Variants in FAM168A observed in about 807,000 individuals in gnomAD.
FAM168A encodes protein FAM168A.
In FAM168A, 3 loss-of-function variants were observed where a neutral mutation model predicts 28.5. The ratio of observed to expected loss-of-function variants is 0.11; its 90% CI spans 0.05 to 0.27. The LOEUF is 0.27. Among genes scored for constraint, FAM168A ranks in the 10% least tolerant of loss-of-function variants. The probability of loss-of-function intolerance (pLI) is 1.00; values close to 1 mark genes in which losing one functional copy is unlikely to be tolerated. For missense variants in FAM168A, 222 were observed against 311.5 expected (o/e 0.71, Z 2.16); for synonymous variants, 122 against 124.2 (o/e 0.98, Z 0.12).
chr11:73,542,357 G>C (rs1345420969), intron 1 of FAM168A, among the ~76,000 whole-genome samples: 1 of 152,106 alleles, frequency 6.6e-6, no homozygotes, highest in Non-Finnish European at 1.5e-5. Context: ...TCTATAAGTG[G>C]CAATTCTAAT....
intron 1 of FAM168A, among the ~76,000 whole-genome samples, chr11:73,522,275 C>T (rs1052025221): frequency 9.9e-5 from 15 of 151,088 alleles, no homozygotes; most frequent in Non-Finnish European, 5.9e-5. Flanking sequence ...TTTATTAACA[C>T]AGAATCAGCT....
At chr11:73,566,316 G>A (rs2134712867) in intron 1 of FAM168A, among the ~76,000 whole-genome samples, 1 of 152,234 alleles carries the variant, frequency 6.6e-6, no homozygotes. Context: ...TCTTCAAGGG[G>A]ATGCATTTTT....
intron 1 of FAM168A, among the ~76,000 whole-genome samples, chr11:73,553,860 G>C (rs1281235008): frequency 6.6e-6 from 1 of 151,986 alleles, no homozygotes; most frequent in African/African-American, 2.4e-5. Context: ...GTGGTGCCGT[G>C]CACTTGTAGT....
At chr11:73,481,250 T>C (rs539217299) in intron 1 of FAM168A, among the ~76,000 whole-genome samples, 2 of 152,316 alleles carry the variant, frequency 1.3e-5, no homozygotes, top group African/African-American at 4.8e-5. Flanking sequence ...TTTTTAGGGT[T>C]CAGTTATGTG....
rs768093800 is a variant in FAM168A, at chr11:73,411,508, G to T, written c.306C>A (p.Val102=). 3 of 1,614,036 alleles carry T rather than the reference G, an allele frequency of 1.9e-6. No homozygotes were observed. The highest frequency in any genetic ancestry group is 2.2e-5 in the South Asian group (2 of 91,086). The change falls in exon 5 of 8, where the codon GTC becomes GTA. Residue 102 remains valine, a synonymous_variant. Coordinates refer to ENST00000356467, the MANE Select transcript of FAM168A (RefSeq NM_015159.3). ...FRYTAGTPYK[V]PPTQSNTAPP... is the part of the protein sequence containing the mutation. ...GAGCAGTGTTACTCTGGGTCGGTGG[G>T]ACCTTGTATGGTGTCCCCGCAGTAT...
chr11:73,434,497 T>C (rs759780408), intron 2 of FAM168A, among the ~76,000 whole-genome samples: 8 of 152,034 alleles, frequency 5.3e-5, no homozygotes, highest in Non-Finnish European at 1.2e-4. Context: ...GCTGAAGGAG[T>C]GTTTTAGACA....
intron 1 of FAM168A, among the ~76,000 whole-genome samples, chr11:73,579,143 T>C (rs1245640135): frequency 6.6e-6 from 1 of 152,160 alleles, no homozygotes; most frequent in Non-Finnish European, 1.5e-5. Flanking sequence ...TCCATCCTAA[T>C]GACCTAATTA....
At chr11:73,500,734 AC>A (rs1316339243) in intron 1 of FAM168A, among the ~76,000 whole-genome samples, 7 of 152,230 alleles carry the variant, frequency 4.6e-5, no homozygotes, top group African/African-American at 1.7e-4. Flanking sequence ...CTGTAAAAAC[AC>A]ACCAAAATAT....
chr11:73,527,412 A>T (rs1943461855), intron 1 of FAM168A, among the ~76,000 whole-genome samples: 1 of 152,204 alleles, frequency 6.6e-6, no homozygotes, highest in Non-Finnish European at 1.5e-5. Flanking sequence ...AGGTCTTCTA[A>T]AAACAATGGG....
At chr11:73,424,729 A>G (rs1019146510) in intron 3 of FAM168A, among the ~76,000 whole-genome samples, 2 of 152,108 alleles carry the variant, frequency 1.3e-5, no homozygotes, top group Non-Finnish European at 2.9e-5. Flanking sequence ...CAGGCCCTGG[A>G]ATTTTTATTC....
In FAM168A at chr11:73,535,722, C is replaced by CTTTTT. The variant is rs59312114; in HGVS notation, c.-19+62196_-19+62200dup. Among the ~76,000 whole-genome samples the CTTTTT allele has an allele frequency of 2.6e-5, 3 of 116,968 alleles. 1 individual carries two copies. Among genetic ancestry groups the CTTTTT allele is most frequent in the African/African-American group, 6.3e-5 (2 of 31,794 alleles). 76.7% of individuals were successfully genotyped at this position (116,968 alleles called of 152,430 possible). On this transcript the variant is annotated intron_variant, in intron 1 of 7. Transcript: ENST00000356467. ...GCGTGAGCCACCGCACCTCACCCTT[C>CTTTTT]TTTTTTTTTTTTTTTTTTTGAGAGA...
At chr11:73,587,987 T>A (rs1386437353) in intron 1 of FAM168A, among the ~76,000 whole-genome samples, 2 of 152,080 alleles carry the variant, frequency 1.3e-5, no homozygotes, top group Non-Finnish European at 2.9e-5. Context: ...TGACCTCAGG[T>A]GATCCACCCA....
At position 73,407,512 on chromosome 11, in the gene FAM168A, C is replaced by CG. The variant is rs1379430164; in HGVS notation, c.*18_*18+1insC. Reference sequence around the variant, plus strand: ...ACTTCTCTCACCCTGGCCACACTCACTTGGATGGGCTGCAGGCTTTACCAG... The same window carrying CG: ...ACTTCTCTCACCCTGGCCACACTCACGTTGGATGGGCTGCAGGCTTTACCAG... On this transcript the variant is annotated splice_region_variant and 3_prime_UTR_variant. Coordinates refer to ENST00000356467, the MANE Select transcript of FAM168A (RefSeq NM_015159.3). 8 of 1,553,364 alleles carry CG rather than the reference C, an allele frequency of 5.2e-6. No individual in the cohort carries two copies. Among genetic ancestry groups the CG allele is most frequent in the Non-Finnish European group, 6.9e-6 (8 of 1,156,456 alleles).
At chr11:73,496,092 ACACACAACCTG>A (rs1854867516) in intron 1 of FAM168A, among the ~76,000 whole-genome samples, 1 of 150,640 alleles carries the variant, frequency 6.6e-6, no homozygotes, top group African/African-American at 2.5e-5. Flanking sequence ...CAACCCGCAT[ACACACAACCTG>A]CACCCACACA....
At chr11:73,594,011 TTAAA>T (rs905763553) in intron 1 of FAM168A, among the ~76,000 whole-genome samples, 8 of 152,328 alleles carry the variant, frequency 5.3e-5, no homozygotes, top group South Asian at 2.1e-4. Context: ...CAGACATTCA[TTAAA>T]TAAATAAATA....
At position 73,494,443 on chromosome 11, in the gene FAM168A, C is replaced by A. The variant is rs557580590; in HGVS notation, c.-18-25951G>T. The stretch of plus-strand genomic sequence containing the variant: ...GAGGTCTAAGGCTCTGAATCAGGAA[C>A]TGTTACATTCCAAGCGGTTGACACT... On this transcript the variant is annotated intron_variant, in intron 1 of 7. Coordinates refer to ENST00000356467, the MANE Select transcript of FAM168A (RefSeq NM_015159.3). 2.6e-5 allele frequency among the ~76,000 whole-genome samples: 4 copies of A among 152,276 alleles called. No homozygotes were observed. The East Asian group carries it at 7.7e-4, about 29-fold the overall frequency.
chr11:73,543,832 T>C lies in FAM168A; in HGVS notation c.-19+54091A>G, dbSNP rs184826562. 2.0e-3 allele frequency among the ~76,000 whole-genome samples: 302 copies of C among 152,144 alleles called. 3 individuals are homozygous for C. The highest frequency in any genetic ancestry group is 7.1e-3 in the African/African-American group (295 of 41,496). ...TAAAGAAGGATATCACCAAGCTAGG[T>C]AGTAAAGCACAAAGAGATACATAAA... On this transcript the variant is annotated intron_variant, in intron 1 of 7. Transcript: ENST00000356467.
chr11:73,570,218 A>C lies in FAM168A; in HGVS notation c.-19+27705T>G, dbSNP rs536273894. On this transcript the variant is annotated intron_variant, in intron 1 of 7. Transcript: ENST00000356467. ...CATCCCTTCATTAGCTGTGAGACTA[A>C]GCAAGCTACTTCCTTTCTCTGAGAC... is the stretch of plus-strand genomic sequence containing the variant. Among the ~76,000 whole-genome samples, 5 of 152,324 alleles carry C rather than the reference A, an allele frequency of 3.3e-5. No homozygotes were observed. In the South Asian group the frequency reaches 1.0e-3, roughly 32 times the overall value.
chr11:73,475,821 C>T (rs939817243), intron 1 of FAM168A, among the ~76,000 whole-genome samples: 3 of 152,156 alleles, frequency 2.0e-5, no homozygotes, highest in Admixed American at 2.0e-4. Context: ...ACTACTGCAA[C>T]CAGAGTGGGC....
Sources: allele counts gnomAD v4.1 joint callset (sites outside exome capture counted in the v4.1 genomes callset), GRCh38; gene constraint gnomAD v4.1.1; transcripts MANE v1.5; gene names NCBI Gene and HGNC (gene_info 2026-07-23, HGNC 2026-07-21).